The following BLOC1S2 variants were observed in gnomAD, a reference collection of about 807,000 sequenced individuals.
BLOC1S2 encodes the protein biogenesis of lysosome-related organelles complex 1 subunit 2.
Under a neutral mutation model 19.6 loss-of-function variants are expected in BLOC1S2, and 12 were observed. The observed-to-expected ratio is 0.61, with a 90% confidence interval of 0.39 to 0.99. The LOEUF (loss-of-function observed/expected upper bound fraction) is 0.99. BLOC1S2 is among the 50% of genes least tolerant of loss of function. The pLI, the probability that BLOC1S2 is intolerant of heterozygous loss-of-function variation, is 0.00. For missense variants in BLOC1S2, 142 were observed against 171.0 expected, an observed-to-expected ratio of 0.83 and a Z score of 0.95; for synonymous variants, 66 against 64.1, an observed-to-expected ratio of 1.03 and a Z score of -0.14.
intron 3 of BLOC1S2, 83 bp downstream of exon 3, chr10:100,280,851 C>T (rs1848084462): frequency 2.1e-6 from 3 of 1,450,078 alleles, no homozygotes; most frequent in Non-Finnish European, 2.7e-6. Context: ...ACAAGGATGT[C>T]ATGTTCCCTC....
intron 2 of BLOC1S2, among the ~76,000 whole-genome samples, chr10:100,281,315 A>G (rs1210624401): frequency 6.6e-6 from 1 of 152,226 alleles, no homozygotes; most frequent in Non-Finnish European, 1.5e-5. Context: ...TGATAAACTC[A>G]TGTCCTAAGA....
At chr10:100,277,491 G>A (rs1466887946) in intron 4 of BLOC1S2, among the ~76,000 whole-genome samples, 1 of 123,092 alleles carries the variant, frequency 8.1e-6, no homozygotes, top group African/African-American at 3.2e-5. Flanking sequence ...CAGCCGTCCC[G>A]TCCGGGAGGG....
At position 100,274,652 on chromosome 10, in the gene BLOC1S2, G is replaced by T. The variant is rs146790774; in HGVS notation, c.*810C>A. On this transcript the variant is annotated 3_prime_UTR_variant, in exon 5 of 5. Transcript: ENST00000370372. ...GATGTTTTTAGTGTGCAAAGAAGTC[G>T]ATTAGGTCCCTAAGATCCCCCCAAA... 1 of 248,954 alleles carries T rather than the reference G, an allele frequency of 4.0e-6. No individual in the cohort carries two copies. Among genetic ancestry groups the T allele is most frequent in the Non-Finnish European group, 7.6e-6 (1 of 131,888 alleles). The allele number at this position is 248,954 out of a possible 1,614,324, so 15.4% of individuals were successfully genotyped here. A position where few individuals can be genotyped will look rare whatever the true frequency, so the allele number is the denominator to read the frequency against.
chr10:100,280,855 TTCCC>T, intron 3 of BLOC1S2, 75 bp downstream of exon 3: 4 of 1,463,524 alleles, frequency 2.7e-6, no homozygotes, highest in South Asian at 1.4e-5. Flanking sequence ...GGATGTCATG[TTCCC>T]TCCTCTTCTC....
At chr10:100,286,238 T>C (rs753522565) in intron 1 of BLOC1S2, 25 bp from the exon 2 acceptor site, 4 of 1,611,370 alleles carry the variant, frequency 2.5e-6, no homozygotes, top group Non-Finnish European at 2.5e-6. Context: ...AATGACTAAG[T>C]GTCCCGCCTA....
At chr10:100,282,465 A>G (rs1013136604) in intron 2 of BLOC1S2, among the ~76,000 whole-genome samples, 1 of 152,222 alleles carries the variant, frequency 6.6e-6, no homozygotes, top group Non-Finnish European at 1.5e-5. Flanking sequence ...TGTCTTGGAC[A>G]CTACTGATCT....
chr10:100,279,240 C>T (rs2134357871), intron 4 of BLOC1S2, among the ~76,000 whole-genome samples: 1 of 152,272 alleles, frequency 6.6e-6, no homozygotes, highest in South Asian at 2.1e-4. Flanking sequence ...CAAGAAAATC[C>T]TCAACTGACT....
intron 4 of BLOC1S2, among the ~76,000 whole-genome samples, chr10:100,276,391 T>C (rs1387720933): frequency 6.3e-5 from 1 of 15,926 alleles, no homozygotes; most frequent in Non-Finnish European, 1.0e-4. Flanking sequence ...CTCTCCCGTC[T>C]CCCTCTCCCT....
chr10:100,277,666 G>GCC (rs546556982), intron 4 of BLOC1S2, among the ~76,000 whole-genome samples: 1 of 126,634 alleles, frequency 7.9e-6, no homozygotes, highest in African/African-American at 3.2e-5. Flanking sequence ...GGGGGGCTCA[G>GCC]CCCCCCCGCC....
At chr10:100,275,518 A>G (rs774829344) in intron 4 of BLOC1S2, 25 bp from the exon 5 acceptor site, 10 of 1,597,300 alleles carry the variant, frequency 6.3e-6, no homozygotes, top group Non-Finnish European at 8.5e-6. Flanking sequence ...GGAGAGTTAC[A>G]TCTTTTAAAA....
Position 100,276,206 on chromosome 10 carries a change from T to G in BLOC1S2, c.398-713A>C, listed in dbSNP as rs188542251. Among the ~76,000 whole-genome samples the G allele has an allele frequency of 3.2e-4, 49 of 152,302 alleles. 3 individuals are homozygous for G. In the South Asian group the frequency reaches 9.5e-3, roughly 30 times the overall value. ...TATCAAATCCCAGCCTACTACAAAC[T>G]ACTTTCTTGAAGTAGTCAGCCCTTG... is the stretch of plus-strand genomic sequence containing the variant. On this transcript the variant is annotated intron_variant, in intron 4 of 4. Coordinates refer to ENST00000370372, the MANE Select transcript of BLOC1S2 (RefSeq NM_173809.5).
At chr10:100,286,564 G>C (rs538653735) in intron 1 of BLOC1S2, 41 bp downstream of exon 1, 10 of 1,610,352 alleles carry the variant, frequency 6.2e-6, no homozygotes, top group Middle Eastern at 1.7e-4. Context: ...CGGAGCCCCA[G>C]GCCCCCCACC....
chr10:100,286,188 C>G lies in BLOC1S2; in HGVS notation c.81G>C (p.Glu27Asp), dbSNP rs1459394367. The change falls in exon 2 of 5, where the codon GAG (glutamate) becomes GAC (aspartate). Residue 27 changes from glutamate to aspartate, a missense_variant. By Grantham distance (45) the Glu-to-Asp change is conservative. Coordinates refer to ENST00000370372, the MANE Select transcript of BLOC1S2 (RefSeq NM_173809.5). Reference sequence around the variant, plus strand: ...CAGCTTCAGCAGGCTCCTTTGCTTCCTCAGCTGTCTCCACGGCGGCATCGT... The same window carrying G: ...CAGCTTCAGCAGGCTCCTTTGCTTCGTCAGCTGTCTCCACGGCGGCATCGT... ...ARDDAAVETAEEAKEPAEADI... is the reference protein window; with the variant it reads ...ARDDAAVETADEAKEPAEADI... The G allele has an allele frequency of 6.2e-7, 1 of 1,614,100 alleles. No individual in the cohort carries two copies. The highest frequency in any genetic ancestry group is 1.7e-5 in the Admixed American group (1 of 60,012).
Position 100,275,406 on chromosome 10 carries a change from A to G in BLOC1S2, c.*56T>C. ...TCATCAGCCTCAGGATTCAGGTTTT[A>G]TAAGACATTCTTCCACATTAAAAAA... On this transcript the variant is annotated 3_prime_UTR_variant, in exon 5 of 5. Coordinates refer to ENST00000370372, the MANE Select transcript of BLOC1S2 (RefSeq NM_173809.5). 2 of 1,518,814 alleles carry G rather than the reference A, an allele frequency of 1.3e-6. No homozygotes were observed. The highest frequency in any genetic ancestry group is 1.4e-5 in the African/African-American group (1 of 71,764). 94.1% of individuals were successfully genotyped at this position (1,518,814 alleles called of 1,614,324 possible). A position where few individuals can be genotyped will look rare whatever the true frequency, so the allele number is the denominator to read the frequency against.
chr10:100,276,317 G>A (rs112468457), intron 4 of BLOC1S2, among the ~76,000 whole-genome samples: 15,573 of 76,846 alleles, frequency 0.2, 1,885 homozygotes, highest in East Asian at 0.38. Flanking sequence ...TCCCTCTCCC[G>A]TCTCCCTCTC....
At chr10:100,279,863 A>G (rs948804736) in intron 4 of BLOC1S2, among the ~76,000 whole-genome samples, 6 of 152,216 alleles carry the variant, frequency 3.9e-5, no homozygotes, top group African/African-American at 1.4e-4. Context: ...CTTGGGCAAC[A>G]AGAGTGAAAC....
Position 100,275,416 on chromosome 10 carries a change from C to T in BLOC1S2, c.*46G>A. The T allele has an allele frequency of 6.5e-7, 1 of 1,547,004 alleles. No individual in the cohort carries two copies. Among genetic ancestry groups the T allele is most frequent in the Non-Finnish European group, 8.8e-7 (1 of 1,141,022 alleles). ...CAGGATTCAGGTTTTATAAGACATT[C>T]TTCCACATTAAAAAAAAAAGACTCT... On this transcript the variant is annotated 3_prime_UTR_variant, in exon 5 of 5. Transcript: ENST00000370372.
chr10:100,281,334 G>A (rs558477037), intron 2 of BLOC1S2, among the ~76,000 whole-genome samples: 13 of 152,272 alleles, frequency 8.5e-5, no homozygotes, highest in Non-Finnish European at 1.6e-4. Context: ...GAAAAGGGAG[G>A]TAAAATAGTC....
At chr10:100,280,872 T>C in intron 3 of BLOC1S2, 62 bp downstream of exon 3, 1 of 1,518,788 alleles carries the variant, frequency 6.6e-7, no homozygotes, top group South Asian at 1.3e-5. Flanking sequence ...CTCTTCTCCA[T>C]GGCCCCAAGC....
Sources: gnomAD v4.1 joint callset for allele counts (sites outside exome capture counted in the v4.1 genomes callset) on GRCh38, gnomAD v4.1.1 for gene constraint, MANE v1.5 for transcripts, NCBI Gene and HGNC (gene_info 2026-07-23, HGNC 2026-07-21) for gene names.